CABLES2: variants seen among roughly 807,000 people sequenced by gnomAD.
The protein encoded by CABLES2 is CDK5 and ABL1 enzyme substrate 2.
CABLES2 carries 35 observed loss-of-function variants against 44.8 expected under a neutral mutation model. The observed-to-expected ratio is 0.78, with a 90% confidence interval of 0.60 to 1.04. CABLES2 has a LOEUF of 1.04. Among genes scored for constraint, CABLES2 ranks in the 50% least tolerant of loss-of-function variants. CABLES2 has a pLI of 0.00. For missense variants in CABLES2, 566 were observed against 615.7 expected, an observed-to-expected ratio of 0.92 and a Z score of 0.85; for synonymous variants, 282 against 281.1, an observed-to-expected ratio of 1.00 and a Z score of -0.03.
intron 1 of CABLES2, among the ~76,000 whole-genome samples, chr20:62,397,676 T>C (rs1191437319): frequency 6.6e-6 from 1 of 152,188 alleles, no homozygotes; most frequent in South Asian, 2.1e-4. Flanking sequence ...TTCTCTCCCT[T>C]ATACCGGGAG....
chr20:62,407,255 C>CA lies in CABLES2; in HGVS notation c.21dup (p.Gly8TrpfsTer149). Reference sequence around the variant, plus strand: ...GGGCCGGGGGCCGGGCCCGGGGCTCCACCGGCCGCGGCCGCGGCCATCCTC... The same window carrying CA: ...GGGCCGGGGGCCGGGCCCGGGGCTCCAACCGGCCGCGGCCGCGGCCATCCTC... On this transcript the variant is annotated frameshift_variant, in exon 1 of 10. Coordinates refer to ENST00000279101, the MANE Select transcript of CABLES2 (RefSeq NM_031215.3). LOFTEE classifies it high-confidence loss of function. 1.5e-6 allele frequency: 1 copy of CA among 673,518 alleles called. No homozygotes were observed. Among genetic ancestry groups the CA allele is most frequent in the Non-Finnish European group, 1.8e-6 (1 of 548,760 alleles). The allele number at this position is 673,518 out of a possible 1,614,324, so 41.7% of individuals were successfully genotyped here.
At chr20:62,406,125 T>A (rs1988278702) in intron 1 of CABLES2, among the ~76,000 whole-genome samples, 1 of 151,626 alleles carries the variant, frequency 6.6e-6, no homozygotes, top group Non-Finnish European at 1.5e-5. Flanking sequence ...CTGAGAGTGA[T>A]GTGGGGAAGG....
At chr20:62,403,390 G>C (rs894141846) in intron 1 of CABLES2, 1 of 152,284 alleles carries the variant, frequency 6.6e-6, no homozygotes, top group Non-Finnish European at 1.5e-5. Flanking sequence ...GTCCCTGTGA[G>C]GAAATCACCA....
intron 1 of CABLES2, 84 bp downstream of exon 1, chr20:62,406,831 G>T: frequency 1.3e-6 from 1 of 782,130 alleles, no homozygotes; most frequent in Non-Finnish European, 1.6e-6. Flanking sequence ...AAGTAATCCT[G>T]ACCCCTAGTC....
Position 62,395,031 on chromosome 20 carries a change from T to G in CABLES2, c.528-17A>C, listed in dbSNP as rs2146420674. The G allele has an allele frequency of 6.2e-7, 1 of 1,609,174 alleles. No homozygotes were observed. The highest frequency in any genetic ancestry group is 8.5e-7 in the Non-Finnish European group (1 of 1,176,990). On this transcript the variant is annotated splice_polypyrimidine_tract_variant and intron_variant, in intron 3 of 9. Transcript: ENST00000279101. ...AGCACGATCCTGCAGGGGGACGGAG[T>G]CAGGGGAGACGGGGCCGGGGAGCGG...
chr20:62,398,193 A>ATGATGATGG (rs1988107878), intron 1 of CABLES2, among the ~76,000 whole-genome samples: 22 of 30,052 alleles, frequency 7.3e-4, no homozygotes, highest in Non-Finnish European at 1.1e-3. Flanking sequence ...GGTGATGGTG[A>ATGATGATGG]TGATGGTGGT....
chr20:62,388,751 C>G lies in CABLES2; in HGVS notation c.*2220G>C. The G allele has an allele frequency of 2.0e-6, 1 of 510,944 alleles. No homozygotes were observed. The highest frequency in any genetic ancestry group is 3.5e-6 in the Non-Finnish European group (1 of 286,498). The allele number at this position is 510,944 out of a possible 1,614,324, so 31.7% of individuals were successfully genotyped here. A position where few individuals can be genotyped will look rare whatever the true frequency, so the allele number is the denominator to read the frequency against. ...TGCTTATGCACACTGACATCCACAA[C>G]TGCTACCGGTGCGGAAGCAACGCCA... On this transcript the variant is annotated 3_prime_UTR_variant, in exon 10 of 10. Coordinates refer to ENST00000279101, the MANE Select transcript of CABLES2 (RefSeq NM_031215.3).
At chr20:62,392,878 T>C (rs745994996) in intron 7 of CABLES2, 42 bp downstream of exon 7, 1 of 1,541,946 alleles carries the variant, frequency 6.5e-7, no homozygotes, top group Non-Finnish European at 9.0e-7. Context: ...CCAGGACAGG[T>C]GTGCAGCTGC....
At chr20:62,398,257 G>A (rs1270296445) in intron 1 of CABLES2, among the ~76,000 whole-genome samples, 3 of 138,704 alleles carry the variant, frequency 2.2e-5, no homozygotes, top group Admixed American at 2.1e-4. Flanking sequence ...TGATGGTGGT[G>A]GTGATGGTGA....
At chr20:62,397,235 C>T (rs1988037219) in intron 1 of CABLES2, among the ~76,000 whole-genome samples, 1 of 152,166 alleles carries the variant, frequency 6.6e-6, no homozygotes, top group South Asian at 2.1e-4. Flanking sequence ...AGGGAGGCTG[C>T]CCGGATCCTG....
intron 8 of CABLES2, 28 bp downstream of exon 8, chr20:62,392,361 A>T: frequency 6.5e-7 from 1 of 1,527,354 alleles, no homozygotes; most frequent in Non-Finnish European, 9.1e-7. Flanking sequence ...TCCCAGGACG[A>T]TGAGATGGTC....
At position 62,393,450 on chromosome 20, in the gene CABLES2, G is replaced by C. The variant is rs754299913; in HGVS notation, c.870C>G (p.Ser290Arg). ...KPAPTKSAPA[S>R]TELGSDVGDT... is the part of the protein sequence containing the mutation. ...AGGCACGTGGGCTACCTAGTTCTGT[G>C]CTGGCTGGTGCCGACTTGGTGGGGG... Residue 290 changes from serine (S) to arginine (R), a missense_variant, in exon 6 of 10, where the codon AGC (serine) becomes AGG (arginine). Physicochemically the swap from Ser to Arg is moderately radical, Grantham distance 110. This residue lies in a region of CABLES2 where 436 missense variants were observed against 536.3 expected (regional missense o/e 0.81). Transcript: ENST00000279101. The C allele has an allele frequency of 3.1e-6, 5 of 1,606,976 alleles. No homozygotes were observed. The Admixed American group carries it at 8.5e-5, about 27-fold the overall frequency.
Position 62,396,609 on chromosome 20 carries a change from G to GAGCC in CABLES2, c.363-21_363-18dup. ...ACTCGCTTCCTGCAAGATGACAATG[G>GAGCC]AGCCTCAAAACAGGCCACCAGCCCG... On this transcript the variant is annotated splice_polypyrimidine_tract_variant and intron_variant, in intron 1 of 9. Coordinates refer to ENST00000279101, the MANE Select transcript of CABLES2 (RefSeq NM_031215.3). The surrounding 1 kb of genome is among the most constrained non-coding windows in gnomAD (Gnocchi z 5.7). The GAGCC allele has an allele frequency of 6.2e-7, 1 of 1,605,146 alleles. No homozygotes were observed. Among genetic ancestry groups the GAGCC allele is most frequent in the South Asian group, 1.1e-5 (1 of 90,016 alleles).
In CABLES2 at chr20:62,393,024, C is replaced by A; in HGVS notation, c.881-1G>T. 1 of 1,613,116 alleles carries A rather than the reference C, an allele frequency of 6.2e-7. No homozygotes were observed. Among genetic ancestry groups the A allele is most frequent in the Non-Finnish European group, 8.5e-7 (1 of 1,179,334 alleles). On this transcript the variant is annotated splice_acceptor_variant, in intron 6 of 9. Transcript: ENST00000279101. LOFTEE classifies it high-confidence loss of function. ...TCCAGGGTGTCCCCCACGTCACTCC[C>A]TGTAAGAGAGGCAACCCCTGACCCA...
At chr20:62,397,570 G>A (rs1247875905) in intron 1 of CABLES2, among the ~76,000 whole-genome samples, 2 of 152,174 alleles carry the variant, frequency 1.3e-5, no homozygotes, top group African/African-American at 2.4e-5. Flanking sequence ...ATCCTGATGC[G>A]GAGACATGAC....
At chr20:62,400,541 T>A (rs996411328) in intron 1 of CABLES2, among the ~76,000 whole-genome samples, 5 of 152,184 alleles carry the variant, frequency 3.3e-5, no homozygotes, top group African/African-American at 9.7e-5. Context: ...TGTTTGTGTG[T>A]CCTGACCTAC....
chr20:62,401,062 G>T (rs1273984907), intron 1 of CABLES2, among the ~76,000 whole-genome samples: 3 of 152,210 alleles, frequency 2.0e-5, no homozygotes, highest in Non-Finnish European at 4.4e-5. Context: ...ACAGAGTGGG[G>T]ACCTGAGCCC....
At chr20:62,397,942 T>TGGTGGTGGTGGTGATGAC (rs1988056878) in intron 1 of CABLES2, among the ~76,000 whole-genome samples, 1 of 7,050 alleles carries the variant, frequency 1.4e-4, no homozygotes, top group Non-Finnish European at 2.8e-4. Flanking sequence ...GTGGTGATGG[T>TGGTGGTGGTGGTGATGAC]GGTGACGGTA....
chr20:62,398,077 T>TGGTGGTGGA (rs1988082566), intron 1 of CABLES2, among the ~76,000 whole-genome samples: 1 of 33,056 alleles, frequency 3.0e-5, no homozygotes, highest in East Asian at 8.3e-4. Context: ...GTGACGGTGG[T>TGGTGGTGGA]GGTGGTGGTG....
Sources: allele counts gnomAD v4.1 joint callset (sites outside exome capture counted in the v4.1 genomes callset), GRCh38; gene constraint gnomAD v4.1.1; regional missense constraint gnomAD v4.1.1; non-coding constraint Gnocchi (gnomAD v3.1); transcripts MANE v1.5; gene names NCBI Gene and HGNC (gene_info 2026-07-23, HGNC 2026-07-21).